The following OXR1 variants were observed in gnomAD, a reference collection of about 807,000 sequenced individuals.
The protein encoded by OXR1 is oxidation resistance 1, also known as oxidation resistance protein 1.
A neutral mutation model predicts 104.6 loss-of-function variants in OXR1; 41 were observed. The ratio of observed to expected loss-of-function variants is 0.39; its 90% CI spans 0.31 to 0.51. The LOEUF is 0.51. Ranked by LOEUF, OXR1 falls within the 20% of genes least tolerant of loss-of-function variation. OXR1 has a pLI of 0.77. For synonymous variants in OXR1, 348 were observed against 348.4 expected, an observed-to-expected ratio of 1.00 and a Z score of 0.01; for missense variants, 955 against 1,031.9, an observed-to-expected ratio of 0.93 and a Z score of 1.02.
intron 16 of OXR1, among the ~76,000 whole-genome samples, chr8:106,747,000 A>C (rs1275162405): frequency 6.6e-6 from 1 of 152,190 alleles, no homozygotes. Context: ...TAGAGTAACC[A>C]CTGGGTTATT....
At chr8:106,632,780 C>T (rs1822801401) in intron 3 of OXR1, among the ~76,000 whole-genome samples, 1 of 152,084 alleles carries the variant, frequency 6.6e-6, no homozygotes, top group African/African-American at 2.4e-5. Flanking sequence ...ACCAAAAATA[C>T]AACAAAAAAT....
At chr8:106,542,044 T>C (rs16874837) in intron 3 of OXR1, among the ~76,000 whole-genome samples, 3,372 of 152,194 alleles carry the variant, frequency 0.022, 132 homozygotes, top group African/African-American at 0.076. Flanking sequence ...TAACCTAGAG[T>C]AAGGACTTGA....
intron 11 of OXR1, among the ~76,000 whole-genome samples, chr8:106,719,640 G>C (rs372941188): frequency 1.7e-5 from 2 of 115,024 alleles, no homozygotes; most frequent in African/African-American, 2.7e-5. Context: ...TAAGAAATCA[G>C]ATTTTTTTTC....
intron 1 of OXR1, among the ~76,000 whole-genome samples, chr8:106,279,605 G>C (rs541442508): frequency 6.6e-6 from 1 of 152,228 alleles, no homozygotes; most frequent in Admixed American, 6.5e-5. Context: ...AACAGTAATA[G>C]ATACATTATA....
At chr8:106,470,344 G>A (rs775765256) in intron 2 of OXR1, among the ~76,000 whole-genome samples, 54 of 151,742 alleles carry the variant, frequency 3.6e-4, no homozygotes, top group African/African-American at 8.5e-4. Flanking sequence ...AGTTATTTCC[G>A]TATTTTGAAT....
intron 2 of OXR1, among the ~76,000 whole-genome samples, chr8:106,432,415 C>A (rs922606487): frequency 6.6e-6 from 1 of 152,150 alleles, no homozygotes; most frequent in Non-Finnish European, 1.5e-5. Context: ...GTGCTCCAGG[C>A]ACTCCTGGTG....
At chr8:106,715,659 T>C (rs1348031253) in intron 11 of OXR1, among the ~76,000 whole-genome samples, 1 of 152,020 alleles carries the variant, frequency 6.6e-6, no homozygotes, top group Admixed American at 6.6e-5. Flanking sequence ...CATAAAGTTA[T>C]CTCCAGCTTG....
At chr8:106,420,730 T>TTGTGTGTGTGTGTGTGTGTGTGTG (rs6150748) in intron 2 of OXR1, among the ~76,000 whole-genome samples, 12 of 147,176 alleles carry the variant, frequency 8.2e-5, no homozygotes, top group African/African-American at 2.8e-4. Context: ...CATTAAAATA[T>TTGTGTGTGTGTGTGTGTGTGTGTG]TGTGTGTGTG....
At chr8:106,580,145 A>G (rs1248281524) in intron 3 of OXR1, among the ~76,000 whole-genome samples, 1 of 152,194 alleles carries the variant, frequency 6.6e-6, no homozygotes, top group Non-Finnish European at 1.5e-5. Flanking sequence ...CTTTAAGTGT[A>G]TGGTTCAGTA....
chr8:106,617,231 C>T (rs3134138), intron 3 of OXR1, among the ~76,000 whole-genome samples: 59,817 of 151,992 alleles, frequency 0.39, 12,092 homozygotes, highest in African/African-American at 0.48. Flanking sequence ...AAGACCAGCA[C>T]TGACAACATA....
At chr8:106,526,786 GC>G (rs984958265) in intron 3 of OXR1, among the ~76,000 whole-genome samples, 5 of 152,132 alleles carry the variant, frequency 3.3e-5, no homozygotes, top group African/African-American at 4.8e-5. Context: ...TTCGTGATGC[GC>G]CCCCCTCTGC....
At chr8:106,649,060 TTGGGTGTGATAGCA>T in intron 3 of OXR1, among the ~76,000 whole-genome samples, 1 of 152,078 alleles carries the variant, frequency 6.6e-6, no homozygotes, top group East Asian at 1.9e-4. Context: ...CAATAATTAG[TTGGGTGTGATAGCA>T]TGTGCCTATG....
chr8:106,278,022 C>T (rs561146147), intron 1 of OXR1, among the ~76,000 whole-genome samples: 1 of 152,100 alleles, frequency 6.6e-6, no homozygotes, highest in African/African-American at 2.4e-5. Flanking sequence ...ACTGTTTGGC[C>T]CCAAAGAAAA....
At chr8:106,662,450 C>T (rs952781621) in intron 3 of OXR1, among the ~76,000 whole-genome samples, 4 of 152,194 alleles carry the variant, frequency 2.6e-5, no homozygotes, top group Admixed American at 6.5e-5. Flanking sequence ...GAAGGAGAAG[C>T]GTTTAGAAGC....
chr8:106,601,270 A>G lies in OXR1; in HGVS notation c.221-77940A>G, dbSNP rs982883071. On this transcript the variant is annotated intron_variant, in intron 3 of 16. Coordinates refer to ENST00000517566, the MANE Select transcript of OXR1 (RefSeq NM_001198533.2). ...TCTGGTGTAGGATGGGAGGTATGGT[A>G]GCCAGAATTCTAAAATGGCTCCTGT... Among the ~76,000 whole-genome samples the G allele has an allele frequency of 4.6e-5, 7 of 152,218 alleles. No individual in the cohort carries two copies. The South Asian group carries it at 1.2e-3, about 27-fold the overall frequency.
intron 3 of OXR1, among the ~76,000 whole-genome samples, chr8:106,605,409 C>G (rs920385684): frequency 3.9e-5 from 6 of 152,044 alleles, no homozygotes; most frequent in African/African-American, 1.4e-4. Context: ...TGCCTGGTGA[C>G]CTGCTTTAAT....
At chr8:106,400,802 C>T (rs536944322) in intron 2 of OXR1, among the ~76,000 whole-genome samples, 1 of 152,254 alleles carries the variant, frequency 6.6e-6, no homozygotes, top group Admixed American at 6.5e-5. Context: ...ATAAAACATG[C>T]TCCAAAATAT....
chr8:106,628,773 A>G (rs1563653535), intron 3 of OXR1, among the ~76,000 whole-genome samples: 1 of 152,144 alleles, frequency 6.6e-6, no homozygotes, highest in Non-Finnish European at 1.5e-5. Context: ...AATGCCTCTG[A>G]TCTGTTGGCA....
chr8:106,285,377 G>A (rs896255653), intron 1 of OXR1, among the ~76,000 whole-genome samples: 1 of 152,040 alleles, frequency 6.6e-6, no homozygotes, highest in Non-Finnish European at 1.5e-5. Context: ...CTCATTTTTA[G>A]TGTTAACTAC....
Sources: gnomAD v4.1 joint callset for allele counts (sites outside exome capture counted in the v4.1 genomes callset) on GRCh38, gnomAD v4.1.1 for gene constraint, MANE v1.5 for transcripts, NCBI Gene and HGNC (gene_info 2026-07-23, HGNC 2026-07-21) for gene names.